The following LRRC57 variants were observed in gnomAD, a reference collection of about 807,000 sequenced individuals.
The protein encoded by LRRC57 is leucine-rich repeat-containing protein 57.
LRRC57 carries 14 observed loss-of-function variants against 23.1 expected under a neutral mutation model. The observed-to-expected ratio is 0.61, with a 90% confidence interval of 0.40 to 0.95. The LOEUF (loss-of-function observed/expected upper bound fraction) is 0.95, where lower values mean the gene tolerates loss of function less well. Ranked by LOEUF, LRRC57 falls within the 40% of genes least tolerant of loss-of-function variation. The probability of loss-of-function intolerance (pLI) is 0.00; values close to 1 mark genes in which losing one functional copy is unlikely to be tolerated. For missense variants in LRRC57, 236 were observed against 284.4 expected, an observed-to-expected ratio of 0.83 and a Z score of 1.22; for synonymous variants, 106 against 115.2, an observed-to-expected ratio of 0.92 and a Z score of 0.51.
chr15:42,544,858 A>ATATATATATATATATC (rs1173358007), intron 5 of LRRC57, among the ~76,000 whole-genome samples: 3 of 148,884 alleles, frequency 2.0e-5, no homozygotes, highest in African/African-American at 7.7e-5. Flanking sequence ...ATATATATAT[A>ATATATATATATATATC]TCAAAAGACA....
chr15:42,528,681 GT>G, the LRRC57 span, among the ~76,000 whole-genome samples: 1 of 152,082 alleles, frequency 6.6e-6, no homozygotes, highest in African/African-American at 2.4e-5. Context: ...TGCCTCCCAG[GT>G]TCAAGTTATT....
chr15:42,528,438 G>C, the LRRC57 span: 3 of 1,613,138 alleles, frequency 1.9e-6, no homozygotes, highest in Non-Finnish European at 2.5e-6. Context: ...AACTCCTCCT[G>C]ATATTCCTGT....
At chr15:42,545,849 A>G (rs5009460) in intron 4 of LRRC57, among the ~76,000 whole-genome samples, 7,138 of 152,056 alleles carry the variant, frequency 0.047, 563 homozygotes, top group African/African-American at 0.16. Flanking sequence ...AATACTTCAT[A>G]TGTCATCTTC....
In LRRC57 at chr15:42,540,545, A is replaced by AAT. The variant is rs2057623420; in HGVS notation, c.*3537_*3538insAT. The AAT allele has an allele frequency of 2.6e-5, 4 of 152,120 alleles. No individual in the cohort carries two copies. The allele number at this position is 152,120 out of a possible 1,614,324, so 9.4% of individuals were successfully genotyped here. A position where few individuals can be genotyped will look rare whatever the true frequency, so the allele number is the denominator to read the frequency against. ...ATGGACACTGAGGGACAAGCTGTAT[A>AAT]AAGGAGGTCAGAAAAGACTGCACTG... On this transcript the variant is annotated 3_prime_UTR_variant, in exon 6 of 6. Transcript: ENST00000397130.
the LRRC57 span, among the ~76,000 whole-genome samples, chr15:42,528,772 G>T: frequency 1.3e-5 from 2 of 152,068 alleles, no homozygotes; most frequent in African/African-American, 4.8e-5. Flanking sequence ...TTTTAGTAGA[G>T]ACAGGGTTTC....
chr15:42,547,384 T>C lies in LRRC57; in HGVS notation c.369A>G (p.Leu123=), dbSNP rs1430724723. The C allele has an allele frequency of 6.2e-7, 1 of 1,613,998 alleles. No homozygotes were observed. The highest frequency in any genetic ancestry group is 1.1e-5 in the South Asian group (1 of 91,074). Residue 123 remains leucine (L), a synonymous_variant, in exon 4 of 6, where the codon TTA becomes TTG. Coordinates refer to ENST00000397130, the MANE Select transcript of LRRC57 (RefSeq NM_153260.3). The stretch of plus-strand genomic sequence containing the variant: ...GCCGTAGGCTACAAAGTTGGGGAGG[T>C]AATGCTCCCAGTTGGTTCCCAGAGA... The part of the protein sequence containing the change: ...LSLSGNQLGA[L]PPQLCSLRHL...
At position 42,543,984 on chromosome 15, in the gene LRRC57, G is replaced by A; in HGVS notation, c.*99C>T. Reference sequence around the variant, plus strand: ...TCTCCTGAAGTATCATCTCCTTACTGTAGATACCCCTAACAACAACAGGAG... The same window carrying A: ...TCTCCTGAAGTATCATCTCCTTACTATAGATACCCCTAACAACAACAGGAG... On this transcript the variant is annotated 3_prime_UTR_variant, in exon 6 of 6. Transcript: ENST00000397130. 1 of 857,916 alleles carries A rather than the reference G, an allele frequency of 1.2e-6. No individual in the cohort carries two copies. The highest frequency in any genetic ancestry group is 1.9e-6 in the Non-Finnish European group (1 of 521,182). The allele number at this position is 857,916 out of a possible 1,614,324, so 53.1% of individuals were successfully genotyped here. A position where few individuals can be genotyped will look rare whatever the true frequency, so the allele number is the denominator to read the frequency against.
downstream of LRRC57, among the ~76,000 whole-genome samples, chr15:42,533,230 A>T (rs2057582211): frequency 6.6e-6 from 1 of 152,214 alleles, no homozygotes; most frequent in Admixed American, 6.5e-5. Context: ...GAAAATATTG[A>T]TGGGACTTAA....
the LRRC57 span, chr15:42,531,959 G>GT: frequency 6.6e-6 from 1 of 152,408 alleles, no homozygotes; most frequent in Non-Finnish European, 1.5e-5. Flanking sequence ...GTTGGATATA[G>GT]TTTTTGATTT....
chr15:42,528,512 A>C, the LRRC57 span: 1 of 1,201,974 alleles, frequency 8.3e-7, no homozygotes, highest in Non-Finnish European at 1.2e-6. Context: ...CTAATAAAAC[A>C]AATAAAAATT....
intron 3 of LRRC57, 41 bp from the exon 4 acceptor site, chr15:42,547,570 G>C (rs1359608156): frequency 4.5e-6 from 7 of 1,558,066 alleles, no homozygotes; most frequent in Non-Finnish European, 6.1e-6. Context: ...ATGTGATAGA[G>C]CTGAAAACAA....
chr15:42,529,668 G>A, the LRRC57 span: 2 of 1,612,170 alleles, frequency 1.2e-6, no homozygotes, highest in East Asian at 2.2e-5. Flanking sequence ...CTGTCTTCTT[G>A]TGATAGCATA....
At chr15:42,548,510 G>A (rs1212247448) in intron 1 of LRRC57, 54 bp from the exon 2 acceptor site, 9 of 1,455,962 alleles carry the variant, frequency 6.2e-6, no homozygotes, top group Non-Finnish European at 8.4e-6. Context: ...CGGCCTCCCG[G>A]CTGGGGCTCC....
At position 42,548,223 on chromosome 15, in the gene LRRC57, G is replaced by T; in HGVS notation, c.106C>A (p.Leu36Met). 1 of 1,614,224 alleles carries T rather than the reference G, an allele frequency of 6.2e-7. No homozygotes were observed. The highest frequency in any genetic ancestry group is 8.5e-7 in the Non-Finnish European group (1 of 1,180,044). ...TCGATGGTCCTGAGATTGCTCGTCA[G>T]CTTCTGCAAGTCTGCGGGGAACTGG... is the stretch of plus-strand genomic sequence containing the variant. Reference protein sequence around the residue: ...LTEFPADLQKLTSNLRTIDLS... With the variant: ...LTEFPADLQKMTSNLRTIDLS... Residue 36 changes from leucine (L) to methionine (M), a missense_variant, in exon 3 of 6, where the codon CTG becomes ATG. Leu to Met is a conservative substitution (Grantham distance 15). Coordinates refer to ENST00000397130, the MANE Select transcript of LRRC57 (RefSeq NM_153260.3).
intron 4 of LRRC57, among the ~76,000 whole-genome samples, chr15:42,546,095 T>C (rs147737613): frequency 6.6e-6 from 1 of 152,312 alleles, no homozygotes; most frequent in East Asian, 1.9e-4. Flanking sequence ...TCACCCCTTT[T>C]GCCATTTAAA....
At position 42,539,477 on chromosome 15, in the gene LRRC57, CAAAAAAAAAA is replaced by C. The variant is rs1164646488; in HGVS notation, c.*4596_*4605del. The C allele has an allele frequency of 2.3e-5, 1 of 43,650 alleles. No homozygotes were observed. The highest frequency in any genetic ancestry group is 1.1e-4 in the African/African-American group (1 of 9,212). The allele number at this position is 43,650 out of a possible 1,614,324, so 2.7% of individuals were successfully genotyped here. ...TGGGCGAAACAGACAGCCTCTGTCT[CAAAAAAAAAA>C]AAAAAAAAAAAGAGACTTAAAAGCC... On this transcript the variant is annotated 3_prime_UTR_variant, in exon 6 of 6. Transcript: ENST00000397130.
chr15:42,548,149 C>T lies in LRRC57; in HGVS notation c.180G>A (p.Lys60=). The change falls in exon 3 of 6, where the codon AAG becomes AAA. Residue 60 remains lysine, a synonymous_variant. Transcript: ENST00000397130. ...GGGAGAGGCTCTTCAGCAGAGTGAACTTTCCTATCAGCAAAGGCGGTAGGC... is the reference window on the plus strand; with the variant it reads ...GGGAGAGGCTCTTCAGCAGAGTGAATTTTCCTATCAGCAAAGGCGGTAGGC... ...IESLPPLLIG[K]FTLLKSLSLN... 6.2e-7 allele frequency: 1 copy of T among 1,614,228 alleles called. No individual in the cohort carries two copies. Among genetic ancestry groups the T allele is most frequent in the Non-Finnish European group, 8.5e-7 (1 of 1,180,038 alleles).
chr15:42,544,308 A>G (rs2057645629), intron 5 of LRRC57, among the ~76,000 whole-genome samples, 184 bp from the exon 6 acceptor site: 1 of 152,132 alleles, frequency 6.6e-6, no homozygotes, highest in South Asian at 2.1e-4. Context: ...CACACTTGCA[A>G]TCTCAACACT....
rs2057628777 is a variant in LRRC57, at chr15:42,541,438, A to C, written c.*2645T>G. 6.6e-6 allele frequency: 1 copy of C among 152,234 alleles called. No homozygotes were observed. The highest frequency in any genetic ancestry group is 1.5e-5 in the Non-Finnish European group (1 of 68,052). The allele number at this position is 152,234 out of a possible 1,614,324, so 9.4% of individuals were successfully genotyped here. A position where few individuals can be genotyped will look rare whatever the true frequency, so the allele number is the denominator to read the frequency against. ...AGAATCAGTTGAACCTGGTAGGTGG[A>C]GGTTGCAGTGAGCCAAGATAGTGCT... On this transcript the variant is annotated 3_prime_UTR_variant, in exon 6 of 6. Transcript: ENST00000397130.
Sources: gnomAD v4.1 joint callset for allele counts (sites outside exome capture counted in the v4.1 genomes callset) on GRCh38, gnomAD v4.1.1 for gene constraint, MANE v1.5 for transcripts, NCBI Gene and HGNC (gene_info 2026-07-23, HGNC 2026-07-21) for gene names.